SLC7A11: variants seen among roughly 807,000 people sequenced by gnomAD.
SLC7A11 encodes the protein solute carrier family 7 member 11.
In SLC7A11, 35 loss-of-function variants were observed where a neutral mutation model predicts 54.5. That is an observed-to-expected ratio of 0.64 (90% CI 0.49 to 0.85). The LOEUF (loss-of-function observed/expected upper bound fraction) is 0.85, where lower values mean the gene tolerates loss of function less well. SLC7A11 is among the 40% of genes least tolerant of loss of function. The pLI, the probability that SLC7A11 is intolerant of heterozygous loss-of-function variation, is 0.00. For missense variants in SLC7A11, 583 were observed against 618.1 expected, an observed-to-expected ratio of 0.94 and a Z score of 0.60; for synonymous variants, 230 against 225.2, an observed-to-expected ratio of 1.02 and a Z score of -0.19.
chr4:138,235,402 T>C (rs1327398426), intron 2 of SLC7A11, among the ~76,000 whole-genome samples: 1 of 138,650 alleles, frequency 7.2e-6, no homozygotes. Context: ...AGATCTTTTT[T>C]TGGTTAAAAA....
chr4:138,239,107 C>T (rs542653020), intron 1 of SLC7A11, among the ~76,000 whole-genome samples: 1 of 152,160 alleles, frequency 6.6e-6, no homozygotes, highest in African/African-American at 2.4e-5. Context: ...AGTTGCAACT[C>T]ACTCTCCATG....
chr4:138,224,816 AAGG>A (rs1737900399), intron 3 of SLC7A11, among the ~76,000 whole-genome samples: 1 of 4,622 alleles, frequency 2.2e-4, no homozygotes, highest in Non-Finnish European at 5.5e-4. Flanking sequence ...GGAAGGATGA[AAGG>A]AAGGAAGGAA....
At position 138,222,627 on chromosome 4, in the gene SLC7A11, C is replaced by T. The variant is rs186166575; in HGVS notation, c.646+572G>A. ...TATAAAGCAAGTAATCGCAGAAATG[C>T]GAATTTTATATTAAAAATAATGTAA... On this transcript the variant is annotated intron_variant, in intron 4 of 11. Coordinates refer to ENST00000280612, the MANE Select transcript of SLC7A11 (RefSeq NM_014331.4). Among the ~76,000 whole-genome samples the T allele has an allele frequency of 6.5e-3, 988 of 152,080 alleles. 2 individuals are homozygous for T. Among genetic ancestry groups the T allele is most frequent in the Non-Finnish European group, 9.5e-3 (645 of 67,994 alleles).
intron 6 of SLC7A11, among the ~76,000 whole-genome samples, chr4:138,207,273 C>T (rs1045964480): frequency 1.3e-5 from 2 of 151,982 alleles, no homozygotes; most frequent in Non-Finnish European, 2.9e-5. Flanking sequence ...ATAACATTGA[C>T]TTGTAATAAA....
chr4:138,240,167 T>C (rs1738342255), intron 1 of SLC7A11, among the ~76,000 whole-genome samples: 1 of 152,190 alleles, frequency 6.6e-6, no homozygotes, highest in South Asian at 2.1e-4. Context: ...AAGTTAGTTA[T>C]AAATAATACC....
chr4:138,231,139 C>T (rs1441411904), intron 3 of SLC7A11, among the ~76,000 whole-genome samples: 2 of 152,040 alleles, frequency 1.3e-5, no homozygotes, highest in South Asian at 4.1e-4. Context: ...ATAATGTATA[C>T]ACATAGACGT....
chr4:138,184,530 C>T (rs1736828606), intron 7 of SLC7A11, among the ~76,000 whole-genome samples: 1 of 151,994 alleles, frequency 6.6e-6, no homozygotes, highest in Non-Finnish European at 1.5e-5. Flanking sequence ...TTATGTGTAT[C>T]CACTTCTTAG....
chr4:138,239,308 G>A (rs1738321703), intron 1 of SLC7A11, among the ~76,000 whole-genome samples: 1 of 151,978 alleles, frequency 6.6e-6, no homozygotes, highest in African/African-American at 2.4e-5. Context: ...TTCATTTAAA[G>A]GTCTCAAGCT....
In SLC7A11 at chr4:138,179,341, G is replaced by A; in HGVS notation, c.1320C>T (p.Ala440=). The change falls in exon 11 of 12, where the codon GCC becomes GCT. Residue 440 remains alanine, a synonymous_variant. Coordinates refer to ENST00000280612, the MANE Select transcript of SLC7A11 (RefSeq NM_014331.4). ...LFSFTCLFMV[A]LSLYSDPFST... is the part of the protein sequence containing the mutation. ...TAAATGGGTCCGAATAGAGGGAAAG[G>A]GCAACCATGAAGAGGCATGTGAAGG... The A allele has an allele frequency of 6.2e-7, 1 of 1,612,666 alleles. No homozygotes were observed. Among genetic ancestry groups the A allele is most frequent in the South Asian group, 1.1e-5 (1 of 91,018 alleles).
rs536486130 is a variant in SLC7A11 at position 138,165,308 on chromosome 4, G to C, written c.*6648C>G. 6.6e-6 allele frequency: 1 copy of C among 152,586 alleles called. No individual in the cohort carries two copies. The highest frequency in any genetic ancestry group is 2.4e-5 in the African/African-American group (1 of 41,508). The allele number at this position is 152,586 out of a possible 1,614,324, so 9.5% of individuals were successfully genotyped here. A position where few individuals can be genotyped will look rare whatever the true frequency, so the allele number is the denominator to read the frequency against. On this transcript the variant is annotated 3_prime_UTR_variant, in exon 12 of 12. Transcript: ENST00000280612. The stretch of plus-strand genomic sequence containing the variant: ...ATCACTACCATGTAATCCATTCTAC[G>C]CAAGCTCTACAAATATTGAGTCAAA...
At chr4:138,181,143 T>C (rs1173738119) in intron 9 of SLC7A11, among the ~76,000 whole-genome samples, 2 of 151,926 alleles carry the variant, frequency 1.3e-5, no homozygotes, top group Non-Finnish European at 2.9e-5. Context: ...GACTCAAAGA[T>C]TGAGATGATT....
Position 138,167,104 on chromosome 4 carries a change from G to A in SLC7A11, c.*4852C>T, listed in dbSNP as rs1001770407. 1 of 146,842 alleles carries A rather than the reference G, an allele frequency of 6.8e-6. No individual in the cohort carries two copies. Among genetic ancestry groups the A allele is most frequent in the Non-Finnish European group, 1.5e-5 (1 of 67,074 alleles). 9.1% of individuals were successfully genotyped at this position (146,842 alleles called of 1,614,324 possible). A position where few individuals can be genotyped will look rare whatever the true frequency, so the allele number is the denominator to read the frequency against. On this transcript the variant is annotated 3_prime_UTR_variant, in exon 12 of 12. Coordinates refer to ENST00000280612, the MANE Select transcript of SLC7A11 (RefSeq NM_014331.4). The stretch of plus-strand genomic sequence containing the variant: ...AGTACAGTACTAATAAACTAAGGAT[G>A]ACCTAGAGAGCATACCTTTAGCTAT...
intron 6 of SLC7A11, among the ~76,000 whole-genome samples, chr4:138,201,290 C>G (rs370335727): frequency 1.3e-5 from 2 of 151,926 alleles, no homozygotes; most frequent in Non-Finnish European, 2.9e-5. Flanking sequence ...TGTATTTGAT[C>G]ACTGCATTCT....
At chr4:138,229,910 C>T (rs1208595684) in intron 3 of SLC7A11, among the ~76,000 whole-genome samples, 1 of 152,048 alleles carries the variant, frequency 6.6e-6, no homozygotes, top group Non-Finnish European at 1.5e-5. Context: ...CTCAAAAATG[C>T]CACCCCTGCT....
At position 138,183,170 on chromosome 4, in the gene SLC7A11, A is replaced by G. The variant is rs1339365322; in HGVS notation, c.1019+32T>C. 4 of 1,452,224 alleles carry G rather than the reference A, an allele frequency of 2.8e-6. No homozygotes were observed. The African/African-American group carries it at 5.6e-5, about 20-fold the overall frequency. 90.0% of individuals were successfully genotyped at this position (1,452,224 alleles called of 1,614,324 possible). A position where few individuals can be genotyped will look rare whatever the true frequency, so the allele number is the denominator to read the frequency against. On this transcript the variant is annotated intron_variant, in intron 8 of 11. Coordinates refer to ENST00000280612, the MANE Select transcript of SLC7A11 (RefSeq NM_014331.4). ...ATCACATCCAATCTCAAAAACAGAAATGTGTTTCTGGAAATACATGAACTC... is the reference window on the plus strand; with the variant it reads ...ATCACATCCAATCTCAAAAACAGAAGTGTGTTTCTGGAAATACATGAACTC...
intron 1 of SLC7A11, among the ~76,000 whole-genome samples, chr4:138,236,979 A>G: frequency 9.6e-6 from 1 of 104,174 alleles, no homozygotes; most frequent in South Asian, 3.2e-4. Flanking sequence ...GACTTGCAAG[A>G]TTTCTTTTTT....
At position 138,179,356 on chromosome 4, in the gene SLC7A11, G is replaced by T; in HGVS notation, c.1305C>A (p.Cys435Ter). 6.2e-7 allele frequency: 1 copy of T among 1,612,426 alleles called. No homozygotes were observed. The highest frequency in any genetic ancestry group is 8.5e-7 in the Non-Finnish European group (1 of 1,179,136). Residue 435 changes from cysteine to a stop codon, truncating the protein, a stop_gained, in exon 11 of 12, where the codon TGC (cysteine) becomes TGA (stop). Transcript: ENST00000280612. LOFTEE classifies it high-confidence loss of function. ...LFIPALFSFT[C>*]LFMVALSLYS... ...AGAGGGAAAGGGCAACCATGAAGAG[G>T]CATGTGAAGGAAAACAAAGCTGGGA...
chr4:138,198,268 C>G (rs1323496252), intron 6 of SLC7A11, among the ~76,000 whole-genome samples: 1 of 151,838 alleles, frequency 6.6e-6, no homozygotes, highest in Non-Finnish European at 1.5e-5. Flanking sequence ...ATTATAGAAA[C>G]AAAACCACAA....
At chr4:138,207,008 AAAAAC>A (rs976638937) in intron 6 of SLC7A11, among the ~76,000 whole-genome samples, 1 of 151,146 alleles carries the variant, frequency 6.6e-6, no homozygotes, top group African/African-American at 2.4e-5. Flanking sequence ...AAAAAAAAAA[AAAAAC>A]CCCCAGAGGG....
Sources: gnomAD v4.1 joint callset for allele counts (sites outside exome capture counted in the v4.1 genomes callset) on GRCh38, gnomAD v4.1.1 for gene constraint, MANE v1.5 for transcripts, NCBI Gene and HGNC (gene_info 2026-07-23, HGNC 2026-07-21) for gene names.